The following VIT variants were observed in gnomAD, a reference collection of about 807,000 sequenced individuals.
VIT encodes vitrin.
Under a neutral mutation model 78.0 loss-of-function variants are expected in VIT, and 99 were observed. The ratio of observed to expected loss-of-function variants is 1.27; its 90% confidence interval spans 1.08 to 1.50. The LOEUF (loss-of-function observed/expected upper bound fraction) is 1.50, where lower values mean the gene tolerates loss of function less well. VIT is among the 40% of genes most tolerant of loss of function. The pLI, the probability that VIT is intolerant of heterozygous loss-of-function variation, is 0.00. For synonymous variants in VIT, 374 were observed against 334.3 expected, an observed-to-expected ratio of 1.12 and a Z score of -1.29; for missense variants, 1,126 against 875.3, an observed-to-expected ratio of 1.29 and a Z score of -3.61.
At chr2:36,718,373 G>T (rs944291882) in intron 2 of VIT, among the ~76,000 whole-genome samples, 1 of 152,160 alleles carries the variant, frequency 6.6e-6, no homozygotes, top group African/African-American at 2.4e-5. Flanking sequence ...CCAGGAGTCA[G>T]AAGGAGGATA....
intron 4 of VIT, among the ~76,000 whole-genome samples, chr2:36,745,507 C>T (rs1668083467): frequency 6.6e-6 from 1 of 152,118 alleles, no homozygotes; most frequent in Non-Finnish European, 1.5e-5. Context: ...TTTTACAATT[C>T]TCCTTGTGGA....
At chr2:36,767,334 G>C (rs768314059) in intron 7 of VIT, 49 bp downstream of exon 7, 4 of 1,435,392 alleles carry the variant, frequency 2.8e-6, no homozygotes, top group South Asian at 1.6e-5. Context: ...ATGGGAAATT[G>C]GGCTTTTAGA....
At chr2:36,768,801 TTAA>T (rs1669589082) in intron 7 of VIT, among the ~76,000 whole-genome samples, 1 of 152,220 alleles carries the variant, frequency 6.6e-6, no homozygotes, top group Admixed American at 6.5e-5. Flanking sequence ...TCTTCTTGAA[TTAA>T]TAATAACAGA....
rs190040567 is a variant in VIT, at chr2:36,803,213, G to T, written c.1162+1809G>T. On this transcript the variant is annotated intron_variant, in intron 13 of 15. Coordinates refer to ENST00000379242, the MANE Select transcript of VIT (RefSeq NM_053276.4). ...GCACCTCTGCGGACAGTATCCCAGA[G>T]AAGTCAGATACTAAAGATATTTGTC... Among the ~76,000 whole-genome samples, 5 of 152,304 alleles carry T rather than the reference G, an allele frequency of 3.3e-5. No individual in the cohort carries two copies. In the East Asian group the frequency reaches 9.6e-4, roughly 29 times the overall value.
rs779661032 is a variant in VIT at position 36,814,204 on chromosome 2, G to T, written c.1925G>T (p.Gly642Val). 1 of 1,614,226 alleles carries T rather than the reference G, an allele frequency of 6.2e-7. No homozygotes were observed. The highest frequency in any genetic ancestry group is 1.1e-5 in the South Asian group (1 of 91,076). The change falls in exon 16 of 16, where the codon GGC becomes GTC. Residue 642 changes from glycine to valine, a missense_variant. Coordinates refer to ENST00000379242, the MANE Select transcript of VIT (RefSeq NM_053276.4). ...ACAGGAGTGATCACCTATGCGATAG[G>T]CGTTGCCTGGGCTGCCCAAGAGGAG... ...HLKGVITYAI[G>V]VAWAAQEELE...
In VIT at chr2:36,766,278, C is replaced by T. The variant is rs373140532; in HGVS notation, c.488-816C>T. Among the ~76,000 whole-genome samples, 4 of 152,284 alleles carry T rather than the reference C, an allele frequency of 2.6e-5. 1 individual carries two copies. The highest frequency in any genetic ancestry group is 9.6e-5 in the African/African-American group (4 of 41,542). ...GCACAGTGGCTTGCACCTGTCATCC[C>T]AGAGCTTTGGGAGGCTGAGATGGAA... On this transcript the variant is annotated intron_variant, in intron 6 of 15. Coordinates refer to ENST00000379242, the MANE Select transcript of VIT (RefSeq NM_053276.4).
chr2:36,739,075 G>A (rs1476583048), intron 3 of VIT, among the ~76,000 whole-genome samples: 2 of 151,850 alleles, frequency 1.3e-5, no homozygotes, highest in East Asian at 3.9e-4. Flanking sequence ...CTTAAAAACA[G>A]GATTTTACTC....
intron 2 of VIT, among the ~76,000 whole-genome samples, chr2:36,725,010 A>C (rs568842418): frequency 6.6e-6 from 1 of 152,322 alleles, no homozygotes; most frequent in Admixed American, 6.5e-5. Flanking sequence ...TTGCACAGTT[A>C]ATTGACAAGA....
At chr2:36,803,275 C>T (rs1666462487) in intron 13 of VIT, among the ~76,000 whole-genome samples, 1 of 152,374 alleles carries the variant, frequency 6.6e-6, no homozygotes, top group Non-Finnish European at 1.5e-5. Flanking sequence ...CTCTGCCTCA[C>T]TTTTATCTTC....
intron 3 of VIT, among the ~76,000 whole-genome samples, chr2:36,740,556 C>T (rs1274829911): frequency 6.6e-6 from 1 of 152,174 alleles, no homozygotes; most frequent in African/African-American, 2.4e-5. Flanking sequence ...TTTACCGTGG[C>T]TCCCTGTTTT....
rs1268335898 is a variant in VIT at position 36,781,754 on chromosome 2, C to T, written c.830C>T (p.Ser277Leu). 1.9e-6 allele frequency: 3 copies of T among 1,614,004 alleles called. No individual in the cohort carries two copies. In the South Asian group the frequency reaches 3.3e-5, roughly 18 times the overall value. The change falls in exon 10 of 16, where the codon TCG becomes TTG. Residue 277 changes from serine to leucine, a missense_variant. Transcript: ENST00000379242. ...LGEMDSWKPG[S>L]VLLDEGLVPK... ...GAGATGGACTCATGGAAACCTGGAT[C>T]GGTCCTTTTAGATGAAGGTAATTAT...
chr2:36,729,308 G>A, intron 2 of VIT, 118 bp from the exon 3 acceptor site: 1 of 824,346 alleles, frequency 1.2e-6, no homozygotes, highest in Non-Finnish European at 1.8e-6. Context: ...CTGTAAGAGG[G>A]AAAATTAGTT....
intron 1 of VIT, among the ~76,000 whole-genome samples, chr2:36,706,527 T>C (rs1665433256): frequency 6.6e-6 from 1 of 152,184 alleles, no homozygotes; most frequent in Non-Finnish European, 1.5e-5. Context: ...CACACACTTA[T>C]TCTCTCCATC....
In VIT at chr2:36,787,267, T is replaced by G. The variant is rs762459274; in HGVS notation, c.1049T>G (p.Val350Gly). 3.1e-6 allele frequency: 5 copies of G among 1,614,130 alleles called. No homozygotes were observed. The South Asian group carries it at 5.5e-5, about 18-fold the overall frequency. ...IGPAGPLMGV[V>G]QYGDNPATHF... ...CCTGCCGGTCCACTGATGGGTGTTG[T>G]CCAGTATGGGTAAGTGCAGTTAATG... The change falls in exon 12 of 16, where the codon GTC becomes GGC. Residue 350 changes from valine to glycine, a missense_variant. Val to Gly is a moderately radical substitution (Grantham distance 109). Transcript: ENST00000379242.
intron 1 of VIT, among the ~76,000 whole-genome samples, chr2:36,699,482 A>G (rs1664885826): frequency 6.6e-6 from 1 of 151,058 alleles, no homozygotes; most frequent in South Asian, 2.1e-4. Context: ...GAAATTTGAC[A>G]TAATTATATT....
chr2:36,752,466 C>G (rs1372256745), intron 4 of VIT, among the ~76,000 whole-genome samples: 1 of 152,212 alleles, frequency 6.6e-6, no homozygotes, highest in Non-Finnish European at 1.5e-5. Flanking sequence ...CAAGGCCATG[C>G]TCAGCACCAT....
intron 12 of VIT, among the ~76,000 whole-genome samples, chr2:36,794,309 G>T (rs972010269): frequency 7.2e-6 from 1 of 139,664 alleles, no homozygotes; most frequent in Non-Finnish European, 1.6e-5. Flanking sequence ...TATTTTCAAA[G>T]GAAATCTTTG....
chr2:36,803,483 C>T (rs931811182), intron 13 of VIT, among the ~76,000 whole-genome samples: 8 of 152,202 alleles, frequency 5.3e-5, no homozygotes, highest in Admixed American at 5.2e-4. Flanking sequence ...GGGATCTTCT[C>T]ATGGCGTCTT....
intron 9 of VIT, among the ~76,000 whole-genome samples, chr2:36,778,752 G>A (rs978201752): frequency 1.3e-5 from 2 of 152,138 alleles, no homozygotes; most frequent in Non-Finnish European, 2.9e-5. Context: ...TCCCCACTTC[G>A]GTACAGCAAG....
Sources: allele counts gnomAD v4.1 joint callset (sites outside exome capture counted in the v4.1 genomes callset), GRCh38; gene constraint gnomAD v4.1.1; transcripts MANE v1.5; gene names NCBI Gene and HGNC (gene_info 2026-07-23, HGNC 2026-07-21).